SLC4A10: variants seen among roughly 807,000 people sequenced by gnomAD.
SLC4A10 encodes solute carrier family 4 member 10.
In SLC4A10, 42 loss-of-function variants were observed where a neutral mutation model predicts 137.7. The observed-to-expected ratio is 0.30, with a 90% confidence interval of 0.24 to 0.39. SLC4A10 has a LOEUF of 0.39. Ranked by LOEUF, SLC4A10 falls within the 10% of genes least tolerant of loss-of-function variation. The probability of loss-of-function intolerance (pLI) is 1.00; values close to 1 mark genes in which losing one functional copy is unlikely to be tolerated. For missense variants in SLC4A10, 925 were observed against 1,355.0 expected (o/e 0.68, Z 4.98); for synonymous variants, 474 against 464.1 (o/e 1.02, Z -0.27).
intron 1 of SLC4A10, among the ~76,000 whole-genome samples, chr2:161,676,746 A>G (rs2040317465): frequency 6.6e-6 from 1 of 152,106 alleles, no homozygotes; most frequent in African/African-American, 2.4e-5. Flanking sequence ...GTTTCTAAGA[A>G]TTAGTTGTAA....
intron 12 of SLC4A10, chr2:161,902,099 A>G (rs1054673139): frequency 6.6e-6 from 3 of 456,336 alleles, no homozygotes; most frequent in East Asian, 7.0e-5. Flanking sequence ...GACTTGAAGT[A>G]TCCATTACTC....
At chr2:161,777,670 C>A (rs1441996411) in intron 2 of SLC4A10, among the ~76,000 whole-genome samples, 1 of 151,894 alleles carries the variant, frequency 6.6e-6, no homozygotes, top group Non-Finnish European at 1.5e-5. Context: ...GTTTTTAAAA[C>A]CATCAGATCT....
chr2:161,792,480 T>C (rs913049942), intron 2 of SLC4A10, among the ~76,000 whole-genome samples: 1 of 151,670 alleles, frequency 6.6e-6, no homozygotes, highest in Non-Finnish European at 1.5e-5. Flanking sequence ...TTAAAGACTT[T>C]AATAGTATGG....
intron 15 of SLC4A10, among the ~76,000 whole-genome samples, chr2:161,908,980 C>G (rs1455458158): frequency 6.7e-6 from 1 of 149,004 alleles, no homozygotes; most frequent in South Asian, 2.1e-4. Flanking sequence ...GGCCATGATC[C>G]CTGTCTGTCA....
chr2:161,972,945 A>T (rs968454162), intron 23 of SLC4A10, among the ~76,000 whole-genome samples: 2 of 152,186 alleles, frequency 1.3e-5, no homozygotes, highest in Non-Finnish European at 2.9e-5. Context: ...AGGTAGCAAG[A>T]AATGTGGCAT....
rs986329441 is a variant in SLC4A10 at position 161,978,859 on chromosome 2, C to T, written c.*26+1099C>T. Among the ~76,000 whole-genome samples, 8 of 152,252 alleles carry T rather than the reference C, an allele frequency of 5.3e-5. No individual in the cohort carries two copies. In the South Asian group the frequency reaches 1.7e-3, roughly 32 times the overall value. ...AACTTTCATGTATTTCTTTGCTTGGCTCAGGACAAAGTAACATTTTATTCT... is the reference window on the plus strand; with the variant it reads ...AACTTTCATGTATTTCTTTGCTTGGTTCAGGACAAAGTAACATTTTATTCT... On this transcript the variant is annotated intron_variant, in intron 26 of 26. Coordinates refer to ENST00000446997, the MANE Select transcript of SLC4A10 (RefSeq NM_001178015.2).
At chr2:161,978,536 A>G (rs1490499219) in intron 26 of SLC4A10, among the ~76,000 whole-genome samples, 1 of 152,208 alleles carries the variant, frequency 6.6e-6, no homozygotes, top group Non-Finnish European at 1.5e-5. Flanking sequence ...GGCAAGAGAA[A>G]GAGGCTACAT....
At chr2:161,635,317 ACT>A (rs1558910883) in intron 1 of SLC4A10, among the ~76,000 whole-genome samples, 1 of 151,862 alleles carries the variant, frequency 6.6e-6, no homozygotes, top group Non-Finnish European at 1.5e-5. Context: ...GTAGAGAAAG[ACT>A]CTCTGGTGAA....
chr2:161,836,665 AC>A lies in SLC4A10; in HGVS notation c.278-3120del, dbSNP rs1164604503. On this transcript the variant is annotated intron_variant, in intron 3 of 26. Coordinates refer to ENST00000446997, the MANE Select transcript of SLC4A10 (RefSeq NM_001178015.2). Reference sequence around the variant, plus strand: ...AAAGAAAATTTCTGGAAAAAAAAAAACCCCATAAACTTACACATTGAAGAAG... The same window carrying A: ...AAAGAAAATTTCTGGAAAAAAAAAAACCCATAAACTTACACATTGAAGAAG... Among the ~76,000 whole-genome samples the A allele has an allele frequency of 1.3e-4, 18 of 133,642 alleles. 1 individual carries two copies. The highest frequency in any genetic ancestry group is 2.7e-4 in the African/African-American group (10 of 36,902). 87.7% of individuals were successfully genotyped at this position (133,642 alleles called of 152,430 possible). A position where few individuals can be genotyped will look rare whatever the true frequency, so the allele number is the denominator to read the frequency against.
At chr2:161,868,295 T>A (rs1226884433) in intron 6 of SLC4A10, among the ~76,000 whole-genome samples, 1 of 151,874 alleles carries the variant, frequency 6.6e-6, no homozygotes, top group Non-Finnish European at 1.5e-5. Context: ...ACTTTTGATG[T>A]AATCTCATGT....
chr2:161,627,176 A>G (rs1056902648), intron 1 of SLC4A10, among the ~76,000 whole-genome samples: 1 of 152,066 alleles, frequency 6.6e-6, no homozygotes, highest in African/African-American at 2.4e-5. Context: ...TAAAATGAAT[A>G]TATTATTGCT....
chr2:161,872,010 G>A (rs909513216), intron 6 of SLC4A10, among the ~76,000 whole-genome samples: 1 of 151,854 alleles, frequency 6.6e-6, no homozygotes. Flanking sequence ...TCAAAATCCT[G>A]GTAACATTTA....
intron 3 of SLC4A10, among the ~76,000 whole-genome samples, chr2:161,808,896 G>A (rs1022203767): frequency 6.6e-6 from 1 of 152,078 alleles, no homozygotes; most frequent in Non-Finnish European, 1.5e-5. Flanking sequence ...CATCTTTTTG[G>A]TGGAATGATT....
chr2:161,823,859 A>G (rs2057823879), intron 3 of SLC4A10, among the ~76,000 whole-genome samples: 1 of 152,232 alleles, frequency 6.6e-6, no homozygotes, highest in African/African-American at 2.4e-5. Context: ...GCAGAAAGGA[A>G]TAGGCTAACT....
At chr2:161,665,393 C>T (rs532869220) in intron 1 of SLC4A10, among the ~76,000 whole-genome samples, 1 of 151,674 alleles carries the variant, frequency 6.6e-6, no homozygotes, top group Non-Finnish European at 1.5e-5. Context: ...GGATCACTAA[C>T]TAAATATGAC....
At chr2:161,699,161 A>G (rs2042872586) in intron 1 of SLC4A10, among the ~76,000 whole-genome samples, 1 of 152,108 alleles carries the variant, frequency 6.6e-6, no homozygotes, top group African/African-American at 2.4e-5. Context: ...CTGGGACTAC[A>G]GGTGCCGCCA....
intron 17 of SLC4A10, among the ~76,000 whole-genome samples, 170 bp from the exon 18 acceptor site, chr2:161,948,978 T>C (rs143263840): frequency 1.0e-3 from 157 of 152,190 alleles, no homozygotes; most frequent in Non-Finnish European, 1.9e-3. Context: ...GATACATAAA[T>C]ATATATTCAG....
chr2:161,727,489 A>T (rs937141545), intron 1 of SLC4A10, among the ~76,000 whole-genome samples: 1 of 152,226 alleles, frequency 6.6e-6, no homozygotes, highest in Non-Finnish European at 1.5e-5. Context: ...TAGGAAAAAG[A>T]AATATTTTGG....
chr2:161,822,672 T>C (rs891950277), intron 3 of SLC4A10, among the ~76,000 whole-genome samples: 3 of 152,138 alleles, frequency 2.0e-5, no homozygotes, highest in Non-Finnish European at 4.4e-5. Context: ...ATATTATGTA[T>C]TTTTATATTA....
Sources: gnomAD v4.1 joint callset for allele counts (sites outside exome capture counted in the v4.1 genomes callset) on GRCh38, gnomAD v4.1.1 for gene constraint, MANE v1.5 for transcripts, NCBI Gene and HGNC (gene_info 2026-07-23, HGNC 2026-07-21) for gene names.